The following WNT8A variants were observed in gnomAD, a reference collection of about 807,000 sequenced individuals.
The protein encoded by WNT8A is Wnt family member 8A.
In WNT8A, 14 loss-of-function variants were observed where a neutral mutation model predicts 20.5. The observed-to-expected ratio is 0.68, with a 90% CI of 0.45 to 1.07. The LOEUF (loss-of-function observed/expected upper bound fraction) is 1.07, where lower values mean the gene tolerates loss of function less well. WNT8A is among the 50% of genes least tolerant of loss of function. The pLI is 0.00. For missense variants in WNT8A, 397 were observed against 462.9 expected (o/e 0.86, Z 1.31); for synonymous variants, 167 against 169.2 (o/e 0.99, Z 0.10).
At chr5:138,081,392 A>G (rs60251892), upstream of WNT8A, among the ~76,000 whole-genome samples, 7,617 of 152,182 alleles carry the variant, frequency 0.05, 224 homozygotes, top group Middle Eastern at 0.082. Context: ...ACACAGAAGC[A>G]TAAGACCCAG....
chr5:138,091,243 T>C lies in WNT8A; in HGVS notation c.*170T>C. ...TGGAGGCCCAAGATTCTACAGCATA[T>C]TCCTGGCGGGGCTGAAATTGGAACC... On this transcript the variant is annotated 3_prime_UTR_variant, in exon 5 of 5. Transcript: ENST00000506684. The C allele has an allele frequency of 6.4e-7, 1 of 1,568,816 alleles. No homozygotes were observed. The highest frequency in any genetic ancestry group is 8.6e-7 in the Non-Finnish European group (1 of 1,165,566).
In WNT8A at chr5:138,091,192, A is replaced by G. The variant is rs1750843967; in HGVS notation, c.*119A>G. The G allele has an allele frequency of 6.5e-7, 1 of 1,541,176 alleles. No homozygotes were observed. On this transcript the variant is annotated 3_prime_UTR_variant, in exon 5 of 5. Coordinates refer to ENST00000506684, the MANE Select transcript of WNT8A (RefSeq NM_001300939.2). Reference sequence around the variant, plus strand: ...ATTGCAGTTTTGGTCTGTAGTCCTCATGATATCTGCTATCAGTGGGGAAAA... The same window carrying G: ...ATTGCAGTTTTGGTCTGTAGTCCTCGTGATATCTGCTATCAGTGGGGAAAA...
intron 2 of WNT8A, 137 bp from the exon 3 acceptor site, chr5:138,087,669 A>AT: frequency 1.1e-6 from 1 of 883,492 alleles, no homozygotes; most frequent in Non-Finnish European, 1.6e-6. Flanking sequence ...AAAAAAAAAA[A>AT]AAAAAGAAAG....
chr5:138,089,897 A>G (rs1242392655), intron 4 of WNT8A, among the ~76,000 whole-genome samples: 3 of 152,184 alleles, frequency 2.0e-5, no homozygotes, highest in Non-Finnish European at 4.4e-5. Flanking sequence ...CCTGGGCTCA[A>G]GCGATCCTCT....
intron 3 of WNT8A, 28 bp from the exon 4 acceptor site, chr5:138,088,899 G>T (rs372468441): frequency 1.9e-5 from 31 of 1,610,992 alleles, no homozygotes; most frequent in Non-Finnish European, 2.5e-5. Context: ...GGAGCTACAC[G>T]GAGAACTTAT....
chr5:138,081,407 T>TCA (rs1327061613), upstream of WNT8A, among the ~76,000 whole-genome samples: 1 of 152,030 alleles, frequency 6.6e-6, no homozygotes, highest in Non-Finnish European at 1.5e-5. Context: ...ACCCAGTCAC[T>TCA]CACACACAGG....
chr5:138,083,462 G>A (rs2151143571), upstream of WNT8A, among the ~76,000 whole-genome samples: 1 of 152,230 alleles, frequency 6.6e-6, no homozygotes, highest in Non-Finnish European at 1.5e-5. Context: ...GTGGTGGAAG[G>A]GACTGTTGCA....
chr5:138,084,127 T>C lies in WNT8A; in HGVS notation c.-1T>C, dbSNP rs1432918829. On this transcript the variant is annotated 5_prime_UTR_variant, in exon 1 of 5. Transcript: ENST00000506684. ...TTTATGCTCTGGGCAGCTCTGGGCA[T>C]ATGCTGTGCTGCATTCAGTGCCTCT... 7 of 1,614,102 alleles carry C rather than the reference T, an allele frequency of 4.3e-6. No individual in the cohort carries two copies. Among genetic ancestry groups the C allele is most frequent in the Middle Eastern group, 1.6e-4 (1 of 6,084 alleles).
At chr5:138,081,279 G>A, upstream of WNT8A, among the ~76,000 whole-genome samples, 1 of 151,480 alleles carries the variant, frequency 6.6e-6, no homozygotes, top group South Asian at 2.1e-4. Context: ...CTGAGCAGGA[G>A]CGAGCACAGT....
the WNT8A span, among the ~76,000 whole-genome samples, chr5:138,077,563 G>A: frequency 6.6e-6 from 1 of 152,096 alleles, no homozygotes; most frequent in Admixed American, 6.5e-5. Context: ...CCTACAACCA[G>A]CTCCAAACCT....
Position 138,084,312 on chromosome 5 carries a change from C to T in WNT8A, c.156+29C>T. 2.5e-6 allele frequency: 4 copies of T among 1,612,362 alleles called. No individual in the cohort carries two copies. The South Asian group carries it at 3.3e-5, about 13-fold the overall frequency. ...GGATGATCTCCAGCTTCTGTTTTTA[C>T]CCACTGAGGGCCCTAAGGGGACTCT... On this transcript the variant is annotated intron_variant, in intron 1 of 4. Coordinates refer to ENST00000506684, the MANE Select transcript of WNT8A (RefSeq NM_001300939.2).
At chr5:138,091,582 T>A, downstream of WNT8A, 1 of 1,107,424 alleles carries the variant, frequency 9.0e-7, no homozygotes, top group South Asian at 1.4e-5. Context: ...TTTTAGAGTG[T>A]TGGATTTTTT....
chr5:138,091,325 AT>A lies in WNT8A; in HGVS notation c.*253del. 1 of 1,491,156 alleles carries A rather than the reference AT, an allele frequency of 6.7e-7. No homozygotes were observed. The highest frequency in any genetic ancestry group is 2.9e-5 in the East Asian group (1 of 34,066). The allele number at this position is 1,491,156 out of a possible 1,614,324, so 92.4% of individuals were successfully genotyped here. A position where few individuals can be genotyped will look rare whatever the true frequency, so the allele number is the denominator to read the frequency against. ...CATCTTTCCTGCAAACTACTTTCCC[AT>A]CTTTGTGCCTGTACTTATGCAGCTT... is the stretch of plus-strand genomic sequence containing the variant. On this transcript the variant is annotated 3_prime_UTR_variant, in exon 5 of 5. Coordinates refer to ENST00000506684, the MANE Select transcript of WNT8A (RefSeq NM_001300939.2).
At chr5:138,080,319 C>CA (rs1213283315), upstream of WNT8A, among the ~76,000 whole-genome samples, 1,431 of 65,230 alleles carry the variant, frequency 0.022, 24 homozygotes, top group Middle Eastern at 0.16. Context: ...GACTCCTTCT[C>CA]AAAAAAAAAA....
At chr5:138,080,681 G>A (rs1437055246), upstream of WNT8A, among the ~76,000 whole-genome samples, 1 of 151,674 alleles carries the variant, frequency 6.6e-6, no homozygotes, top group Non-Finnish European at 1.5e-5. Flanking sequence ...GCTCACTGTA[G>A]CCTCAAAGTC....
At chr5:138,087,221 G>A (rs1750694110) in intron 2 of WNT8A, among the ~76,000 whole-genome samples, 1 of 149,382 alleles carries the variant, frequency 6.7e-6, no homozygotes, top group South Asian at 2.1e-4. Flanking sequence ...GCTGGGGGTG[G>A]TGGCATGTAC....
chr5:138,085,327 G>A lies in WNT8A; in HGVS notation c.295+691G>A, dbSNP rs924469609. ...TTGCATGAAATAAAAATGGGGAAAG[G>A]GCTGTGTGTTTGCAGCTCCTGAGGA... On this transcript the variant is annotated intron_variant, in intron 2 of 4. Transcript: ENST00000506684. Among the ~76,000 whole-genome samples the A allele has an allele frequency of 2.4e-4, 37 of 152,160 alleles. 1 individual carries two copies. Among genetic ancestry groups the A allele is most frequent in the African/African-American group, 8.4e-4 (35 of 41,430 alleles).
At position 138,090,859 on chromosome 5, in the gene WNT8A, A is replaced by G. The variant is rs1185257437; in HGVS notation, c.896A>G (p.Asn299Ser). The part of the protein sequence containing the change: ...EGRECLQNSH[N>S]TSRWERRSCG... ...CGTGAGTGCCTACAGAACAGCCACA[A>G]CACATCCAGGTGGGAGCGACGTAGC... Residue 299 changes from asparagine (N) to serine (S), a missense_variant, in exon 5 of 5, where the codon AAC becomes AGC. Asn to Ser is a conservative substitution (Grantham distance 46, BLOSUM62 1). Transcript: ENST00000506684. The G allele has an allele frequency of 6.2e-7, 1 of 1,614,072 alleles. No homozygotes were observed. Among genetic ancestry groups the G allele is most frequent in the African/African-American group, 1.3e-5 (1 of 74,934 alleles).
intron 2 of WNT8A, among the ~76,000 whole-genome samples, chr5:138,085,806 A>C (rs1436841533): frequency 6.8e-6 from 1 of 147,266 alleles, no homozygotes; most frequent in Admixed American, 7.0e-5. Context: ...GTGAGCTATG[A>C]TCACACCACT....
Sources: allele counts gnomAD v4.1 joint callset (sites outside exome capture counted in the v4.1 genomes callset), GRCh38; gene constraint gnomAD v4.1.1; transcripts MANE v1.5; gene names NCBI Gene and HGNC (gene_info 2026-07-23, HGNC 2026-07-21).